Variants in PIGG observed in about 807,000 individuals in gnomAD.
PIGG encodes the protein phosphatidylinositol glycan anchor biosynthesis class G (EMM blood group), also known as GPI ethanolamine phosphate transferase 2, catalytic subunit.
Under a neutral mutation model 83.2 loss-of-function variants are expected in PIGG, and 70 were observed. The observed-to-expected ratio is 0.84, with a 90% CI of 0.69 to 1.03. The LOEUF (loss-of-function observed/expected upper bound fraction) is 1.03, where lower values mean the gene tolerates loss of function less well. Among genes scored for constraint, PIGG ranks in the 50% least tolerant of loss-of-function variants. PIGG has a pLI of 0.00. For synonymous variants in PIGG, 532 were observed against 519.5 expected (o/e 1.02, Z -0.33); for missense variants, 1,257 against 1,233.6 (o/e 1.02, Z -0.28).
chr4:525,216 T>C (rs1727245210), intron 9 of PIGG: 3 of 985,288 alleles, frequency 3.0e-6, no homozygotes, highest in South Asian at 9.4e-5. Flanking sequence ...GAGCCTTTCA[T>C]TGGCGACTGG....
chr4:521,083 C>T lies in PIGG; in HGVS notation c.1142C>T (p.Ser381Leu). Residue 381 changes from serine (S) to leucine (L), a missense_variant, in exon 7 of 13, where the codon TCA becomes TTA. Transcript: ENST00000453061. ...CCTGGGTTTGAGCAGTTTAAAATGT[C>T]AGAAAGATTGCATGGGAACTGGATC... ...KDPGFEQFKM[S>L]ERLHGNWIRL... 6.2e-7 allele frequency: 1 copy of T among 1,614,038 alleles called. No homozygotes were observed. The highest frequency in any genetic ancestry group is 8.5e-7 in the Non-Finnish European group (1 of 1,179,906).
chr4:521,157 T>G lies in PIGG; in HGVS notation c.1216T>G (p.Ser406Ala). 6.2e-7 allele frequency: 1 copy of G among 1,613,842 alleles called. No individual in the cohort carries two copies. Among genetic ancestry groups the G allele is most frequent in the Non-Finnish European group, 8.5e-7 (1 of 1,179,744 alleles). ...TTCAGAAGTCCTATTCAACCTGGGC[T>G]CCAAGGTTCTCAGGCAGTACCTGGA... The part of the protein sequence containing the change: ...KHSEVLFNLG[S>A]KVLRQYLDAL... The change falls in exon 7 of 13, where the codon TCC becomes GCC. Residue 406 changes from serine to alanine, a missense_variant. Physicochemically the swap from Ser to Ala is moderately conservative, Grantham distance 99. Coordinates refer to ENST00000453061, the MANE Select transcript of PIGG (RefSeq NM_001127178.3).
intron 5 of PIGG, among the ~76,000 whole-genome samples, chr4:512,294 A>T (rs1577049034): frequency 7.2e-6 from 1 of 139,698 alleles, no homozygotes; most frequent in Non-Finnish European, 1.5e-5. Flanking sequence ...ATCTCGGCTC[A>T]CTGCCACCTC....
At chr4:513,454 G>A (rs576822571) in intron 5 of PIGG, among the ~76,000 whole-genome samples, 1 of 152,290 alleles carries the variant, frequency 6.6e-6, no homozygotes, top group Non-Finnish European at 1.5e-5. Flanking sequence ...TGTGTGGGCA[G>A]TACAGGTCTG....
At chr4:527,572 G>A in intron 10 of PIGG, 9 of 1,032,042 alleles carry the variant, frequency 8.7e-6, no homozygotes, top group Non-Finnish European at 1.0e-5. Flanking sequence ...TAAGTTAGTG[G>A]CAGCACGTGA....
intron 11 of PIGG, chr4:531,074 G>A: frequency 3.7e-6 from 1 of 269,590 alleles, no homozygotes. Flanking sequence ...TCTCGTTCAT[G>A]CCCTTTGCCC....
In PIGG at chr4:533,817, G is replaced by C; in HGVS notation, c.2572-1G>C. 1 of 1,614,020 alleles carries C rather than the reference G, an allele frequency of 6.2e-7. No homozygotes were observed. Among genetic ancestry groups the C allele is most frequent in the African/African-American group, 1.3e-5 (1 of 75,064 alleles). ...TTGTCAGCTCTTCTCCTGTATTCCA[G>C]GGCAACTCCAACAACATTGCCACCG... On this transcript the variant is annotated splice_acceptor_variant, in intron 11 of 12. Coordinates refer to ENST00000453061, the MANE Select transcript of PIGG (RefSeq NM_001127178.3). LOFTEE classifies it high-confidence loss of function.
intron 3 of PIGG, among the ~76,000 whole-genome samples, chr4:506,132 G>A (rs1210979784): frequency 6.6e-6 from 1 of 152,094 alleles, no homozygotes; most frequent in African/African-American, 2.4e-5. Flanking sequence ...TGTGAGCAGA[G>A]TTTTATGGAA....
intron 10 of PIGG, chr4:527,753 G>A (rs1728057649): frequency 1.0e-6 from 1 of 985,438 alleles, no homozygotes; most frequent in Non-Finnish European, 1.2e-6. Context: ...GGAGGGCTCA[G>A]TCAGGAGGAC....
At chr4:534,788 G>A (rs138565834) in intron 12 of PIGG, among the ~76,000 whole-genome samples, 6 of 151,940 alleles carry the variant, frequency 3.9e-5, no homozygotes, top group Non-Finnish European at 7.4e-5. Context: ...AGATGTCCCC[G>A]GGGGATCCCA....
At chr4:538,089 G>A (rs893287731) in intron 12 of PIGG, among the ~76,000 whole-genome samples, 189 of 149,812 alleles carry the variant, frequency 1.3e-3, no homozygotes, top group African/African-American at 4.4e-3. Flanking sequence ...AGGACCGAGG[G>A]GCCCTTTACA....
intron 2 of PIGG, among the ~76,000 whole-genome samples, chr4:501,370 GTGA>G (rs1717667988): frequency 6.6e-6 from 1 of 152,240 alleles, no homozygotes; most frequent in Non-Finnish European, 1.5e-5. Flanking sequence ...AGAACAGGAT[GTGA>G]TGATTAGTGG....
rs1236001575 is a variant in PIGG, at chr4:500,432, T to A, written c.191T>A (p.Leu64His). ...SSNWTTLPPP[L>H]FSKVVIVLID... ...AACTGGACCACGCTGCCACCACCTC[T>A]CTTCAGTAAAGTTGTTATTGTTCTG... Residue 64 changes from leucine to histidine, a missense_variant, in exon 2 of 13, where the codon CTC (leucine) becomes CAC (histidine). Transcript: ENST00000453061. The A allele has an allele frequency of 2.5e-6, 4 of 1,613,938 alleles. No homozygotes were observed. The African/African-American group carries it at 4.0e-5, about 16-fold the overall frequency.
chr4:537,640 G>A (rs1269622739), intron 12 of PIGG, among the ~76,000 whole-genome samples: 5 of 152,224 alleles, frequency 3.3e-5, no homozygotes, highest in Non-Finnish European at 7.3e-5. Context: ...AGGAGCCAGG[G>A]CCTGGCAAGG....
In PIGG at chr4:521,051, A is replaced by C. The variant is rs1489560202; in HGVS notation, c.1115-5A>C. On this transcript the variant is annotated splice_polypyrimidine_tract_variant and splice_region_variant and intron_variant, in intron 6 of 12. Coordinates refer to ENST00000453061, the MANE Select transcript of PIGG (RefSeq NM_001127178.3). Reference sequence around the variant, plus strand: ...GCGCCTGTAACCTTTCTGTCTTCTTAATAGATCCTGGGTTTGAGCAGTTTA... The same window carrying C: ...GCGCCTGTAACCTTTCTGTCTTCTTCATAGATCCTGGGTTTGAGCAGTTTA... The C allele has an allele frequency of 6.2e-7, 1 of 1,605,990 alleles. No individual in the cohort carries two copies. The highest frequency in any genetic ancestry group is 1.7e-5 in the Admixed American group (1 of 60,004).
At chr4:499,941 G>A (rs913293262) in intron 1 of PIGG, 2 of 222,528 alleles carry the variant, frequency 9.0e-6, no homozygotes, top group South Asian at 7.6e-5. Context: ...GCCTCTCTGC[G>A]TTAGGCCTCT....
intron 5 of PIGG, among the ~76,000 whole-genome samples, chr4:510,904 A>G (rs1243992677): frequency 5.3e-5 from 8 of 151,398 alleles, no homozygotes; most frequent in Non-Finnish European, 1.0e-4. Context: ...CCTCTTCTGC[A>G]TGTTTTGTGT....
rs147283631 is a variant in PIGG, at chr4:512,323, T to G, written c.901+3353T>G. ...CCACCTCCGCCTCCCGGGTTCAAGC[T>G]ATTCTCCTGCCTCAGCCTCCCGAGT... On this transcript the variant is annotated intron_variant, in intron 5 of 12. Coordinates refer to ENST00000453061, the MANE Select transcript of PIGG (RefSeq NM_001127178.3). Among the ~76,000 whole-genome samples the G allele has an allele frequency of 8.5e-3, 1,269 of 148,894 alleles. 20 individuals are homozygous for G. The highest frequency in any genetic ancestry group is 0.03 in the African/African-American group (1,218 of 40,448).
At position 533,916 on chromosome 4, in the gene PIGG, G is replaced by T; in HGVS notation, c.2670G>T (p.Gly890=). ...EIPAVLLTAF[G]TYAGPVLWAS... The stretch of plus-strand genomic sequence containing the variant: ...CAGCCGTGCTCCTGACAGCGTTTGG[G>T]ACGTACGCAGGGCCTGTGCTGTGGG... Residue 890 remains glycine (G), a synonymous_variant, in exon 12 of 13, where the codon GGG becomes GGT. Transcript: ENST00000453061. The T allele has an allele frequency of 6.2e-7, 1 of 1,614,208 alleles. No homozygotes were observed. The highest frequency in any genetic ancestry group is 8.5e-7 in the Non-Finnish European group (1 of 1,180,038).
Sources: gnomAD v4.1 joint callset for allele counts (sites outside exome capture counted in the v4.1 genomes callset) on GRCh38, gnomAD v4.1.1 for gene constraint, MANE v1.5 for transcripts, NCBI Gene and HGNC (gene_info 2026-07-23, HGNC 2026-07-21) for gene names.